The following TMIGD3 variants were observed in gnomAD, a reference collection of about 807,000 sequenced individuals.
TMIGD3 encodes transmembrane and immunoglobulin domain containing 3, also known as AD026 protein (AD026).
In TMIGD3, 21 loss-of-function variants were observed where a neutral mutation model predicts 28.1. The ratio of observed to expected loss-of-function variants is 0.75; its 90% CI spans 0.53 to 1.08. The LOEUF is 1.08. TMIGD3 is among the 50% of genes least tolerant of loss of function. The pLI, the probability that TMIGD3 is intolerant of heterozygous loss-of-function variation, is 0.00. For missense variants in TMIGD3, 416 were observed against 435.6 expected (o/e 0.96, Z 0.40); for synonymous variants, 151 against 162.1 (o/e 0.93, Z 0.52).
intron 3 of TMIGD3, among the ~76,000 whole-genome samples, chr1:111,488,412 G>A (rs1654488861): frequency 6.6e-6 from 1 of 152,194 alleles, no homozygotes; most frequent in Non-Finnish European, 1.5e-5. Flanking sequence ...CTCTTCTAAG[G>A]TCCTTAAACC....
chr1:111,544,149 A>G (rs1471722808), intron 1 of TMIGD3, among the ~76,000 whole-genome samples: 1 of 152,174 alleles, frequency 6.6e-6, no homozygotes, highest in Non-Finnish European at 1.5e-5. Context: ...TTAATGCAAT[A>G]TTATTCTCTA....
intron 3 of TMIGD3, among the ~76,000 whole-genome samples, chr1:111,487,146 C>G (rs1427648352): frequency 6.6e-6 from 1 of 152,200 alleles, no homozygotes; most frequent in African/African-American, 2.4e-5. Flanking sequence ...CCTACGATAC[C>G]CCCTCTGATA....
chr1:111,562,988 C>A (rs988367297), intron 1 of TMIGD3, among the ~76,000 whole-genome samples: 1 of 152,222 alleles, frequency 6.6e-6, no homozygotes, highest in Admixed American at 6.5e-5. Flanking sequence ...TTTTGAAATT[C>A]TCACAACAGC....
At chr1:111,502,028 T>TATATATAGGATATATATTTAATATAATAA (rs1655204297) in intron 1 of TMIGD3, among the ~76,000 whole-genome samples, 2 of 92,580 alleles carry the variant, frequency 2.2e-5, no homozygotes, top group Non-Finnish European at 5.0e-5. Flanking sequence ...TTTATTATAT[T>TATATATAGGATATATATTTAATATAATAA]ATATATAGGA....
chr1:111,546,148 G>C lies in TMIGD3; in HGVS notation c.107+17698C>G, dbSNP rs1657027260. ...TTTTAGGATCTGCTTGTCCATTTCTGCAAAAACCAAGGAGGCAGTTTGAAT... is the reference window on the plus strand; with the variant it reads ...TTTTAGGATCTGCTTGTCCATTTCTCCAAAAACCAAGGAGGCAGTTTGAAT... On this transcript the variant is annotated intron_variant, in intron 1 of 5. Transcript: ENST00000369717. Among the ~76,000 whole-genome samples, 3 of 152,008 alleles carry C rather than the reference G, an allele frequency of 2.0e-5. No individual in the cohort carries two copies. In the South Asian group the frequency reaches 6.2e-4, roughly 31 times the overall value.
At chr1:111,533,681 G>A (rs895063044) in intron 1 of TMIGD3, among the ~76,000 whole-genome samples, 1 of 152,100 alleles carries the variant, frequency 6.6e-6, no homozygotes, top group Non-Finnish European at 1.5e-5. Context: ...AGCCCCCCGA[G>A]TAGCTGGGAT....
At chr1:111,511,674 TACACACACACAC>T (rs72064023) in intron 1 of TMIGD3, among the ~76,000 whole-genome samples, 1 of 148,842 alleles carries the variant, frequency 6.7e-6, no homozygotes, top group Non-Finnish European at 1.5e-5. Flanking sequence ...TGGTGCCCTT[TACACACACACAC>T]ACACACACAC....
chr1:111,508,923 C>T (rs187524808), intron 1 of TMIGD3, among the ~76,000 whole-genome samples: 94 of 152,308 alleles, frequency 6.2e-4, no homozygotes, highest in Non-Finnish European at 1.0e-3. Flanking sequence ...GGTGAAACCC[C>T]GTCTCGACTA....
intron 1 of TMIGD3, among the ~76,000 whole-genome samples, chr1:111,557,397 A>G (rs1657539161): frequency 6.6e-6 from 1 of 151,942 alleles, no homozygotes; most frequent in African/African-American, 2.4e-5. Context: ...AAATACAAAA[A>G]CAATTAGCTG....
chr1:111,553,230 G>A (rs1414668308), intron 1 of TMIGD3, among the ~76,000 whole-genome samples: 1 of 152,162 alleles, frequency 6.6e-6, no homozygotes, highest in East Asian at 1.9e-4. Context: ...TTTCTCCAAG[G>A]CAAAGGCCAG....
At chr1:111,552,396 T>C (rs1657302426) in intron 1 of TMIGD3, among the ~76,000 whole-genome samples, 1 of 152,236 alleles carries the variant, frequency 6.6e-6, no homozygotes, top group African/African-American at 2.4e-5. Flanking sequence ...CTATTTTTCC[T>C]GAATACGTGT....
At chr1:111,536,232 T>A (rs200519205) in intron 1 of TMIGD3, among the ~76,000 whole-genome samples, 1 of 91,854 alleles carries the variant, frequency 1.1e-5, no homozygotes, top group East Asian at 7.2e-4. Context: ...ATTTTTTAAG[T>A]TTTTTTTTTT....
intron 1 of TMIGD3, among the ~76,000 whole-genome samples, chr1:111,520,817 A>G (rs1656032131): frequency 6.6e-6 from 1 of 152,230 alleles, no homozygotes; most frequent in Non-Finnish European, 1.5e-5. Flanking sequence ...ATCTGAAATG[A>G]ATTCTCCTTA....
chr1:111,559,604 G>C (rs982240708), intron 1 of TMIGD3, among the ~76,000 whole-genome samples: 2 of 152,022 alleles, frequency 1.3e-5, no homozygotes, highest in Non-Finnish European at 2.9e-5. Flanking sequence ...TAATCAAATG[G>C]TATCCAATGA....
intron 2 of TMIGD3, chr1:111,489,584 T>C: frequency 2.7e-6 from 3 of 1,093,824 alleles, no homozygotes; most frequent in Non-Finnish European, 2.3e-6. Flanking sequence ...GGAGAAGTCC[T>C]TTTCCCTGGC....
Position 111,483,541 on chromosome 1 carries a change from C to T in TMIGD3, c.*146G>A. 1 of 735,902 alleles carries T rather than the reference C, an allele frequency of 1.4e-6. No individual in the cohort carries two copies. The highest frequency in any genetic ancestry group is 1.5e-5 in the South Asian group (1 of 65,210). 45.6% of individuals were successfully genotyped at this position (735,902 alleles called of 1,614,324 possible). ...GCTCCTCTGACTACCGCCGTTGCTA[C>T]CTGGCTGCAAATGATTGTTGTCAAG... On this transcript the variant is annotated 3_prime_UTR_variant, in exon 6 of 6. Transcript: ENST00000369716.
chr1:111,539,522 T>C (rs1557841327), intron 1 of TMIGD3, among the ~76,000 whole-genome samples: 1 of 152,114 alleles, frequency 6.6e-6, no homozygotes, highest in Non-Finnish European at 1.5e-5. Context: ...GGTCTCCAAT[T>C]CTTGACCTCA....
At chr1:111,523,234 C>G (rs1025697789) in intron 1 of TMIGD3, among the ~76,000 whole-genome samples, 1 of 152,122 alleles carries the variant, frequency 6.6e-6, no homozygotes, top group Admixed American at 6.5e-5. Flanking sequence ...TCTATTGACA[C>G]AATGATATGG....
chr1:111,483,669 AATT>A lies in TMIGD3; in HGVS notation c.*15_*17del. ...TGTTGTAGCATCACTTTATGAACTAAATTAAAAAAATCTTCAGTCACATCTGTT... is the reference window on the plus strand; with the variant it reads ...TGTTGTAGCATCACTTTATGAACTAAAAAAAAATCTTCAGTCACATCTGTT... On this transcript the variant is annotated 3_prime_UTR_variant, in exon 6 of 6. Transcript: ENST00000369716. 3 of 1,598,488 alleles carry A rather than the reference AATT, an allele frequency of 1.9e-6. No homozygotes were observed.
Sources: gnomAD v4.1 joint callset for allele counts (sites outside exome capture counted in the v4.1 genomes callset) on GRCh38, gnomAD v4.1.1 for gene constraint, MANE v1.5 for transcripts, NCBI Gene and HGNC (gene_info 2026-07-23, HGNC 2026-07-21) for gene names.